Variants in SLC9A6 observed in about 807,000 individuals in gnomAD.
SLC9A6 encodes sodium/hydrogen exchanger 6.
In SLC9A6, 6 loss-of-function variants were observed where a neutral mutation model predicts 45.3. The ratio of observed to expected loss-of-function variants is 0.13; its 90% confidence interval spans 0.07 to 0.26. The LOEUF is 0.26. Among genes scored for constraint, SLC9A6 ranks in the 10% least tolerant of loss-of-function variants. The pLI is 1.00. For missense variants in SLC9A6, 278 were observed against 503.7 expected, an observed-to-expected ratio of 0.55 and a Z score of 4.29; for synonymous variants, 191 against 187.7, an observed-to-expected ratio of 1.02 and a Z score of -0.14.
chrX:135,995,886 T>C (rs1342361212), intron 3 of SLC9A6, among the ~76,000 whole-genome samples: 2 of 110,280 alleles, frequency 1.8e-5, no homozygotes, highest in Non-Finnish European at 3.8e-5. Flanking sequence ...TGGAGCTGCT[T>C]TCTCCTGTCT....
rs1556613171 is a variant in SLC9A6, at chrX:135,975,031, G to A, written c.-57+248G>A. The A allele has an allele frequency of 1.7e-5, 3 of 177,732 alleles. No individual in the cohort carries two copies. In the East Asian group the frequency reaches 4.4e-4, roughly 26 times the overall value. 14.6% of individuals were successfully genotyped at this position (177,732 alleles called of 1,213,427 possible). On this transcript the variant is annotated intron_variant, in intron 1 of 16. Coordinates refer to the SLC9A6 transcript ENST00000636092. The stretch of plus-strand genomic sequence containing the variant: ...CTTCTCCCCTTGACCTCATCACTCT[G>A]CTGTCCCCTGGGGAGCTCACCCATT...
intron 2 of SLC9A6, 95 bp downstream of exon 2, chrX:135,985,922 T>A: frequency 9.8e-7 from 1 of 1,021,584 alleles, no homozygotes; most frequent in Non-Finnish European, 1.4e-6. Context: ...CGGCCTACGT[T>A]CGGCTCCCCT....
chrX:136,031,158 G>A (rs781881978), intron 15 of SLC9A6, among the ~76,000 whole-genome samples: 2 of 111,848 alleles, frequency 1.8e-5, no homozygotes, highest in South Asian at 3.8e-4. Flanking sequence ...CCATGATGCC[G>A]GGCTCCTGGT....
chrX:136,004,958 C>T lies in SLC9A6; in HGVS notation c.743+2745C>T, dbSNP rs544297006. 8.0e-5 allele frequency among the ~76,000 whole-genome samples: 9 copies of T among 112,204 alleles called. No individual in the cohort carries two copies. In the South Asian group the frequency reaches 3.3e-3, roughly 42 times the overall value. On this transcript the variant is annotated intron_variant, in intron 7 of 17. Transcript: ENST00000630721. Reference sequence around the variant, plus strand: ...AGCTTCCAGTACGTAGGTACATGAGCGATTACCAGCACTACAAAGTAAAGA... The same window carrying T: ...AGCTTCCAGTACGTAGGTACATGAGTGATTACCAGCACTACAAAGTAAAGA...
intron 16 of SLC9A6, among the ~76,000 whole-genome samples, chrX:136,037,618 A>G (rs1211040441): frequency 1.8e-5 from 2 of 112,007 alleles, no homozygotes; most frequent in East Asian, 2.8e-4. Context: ...TTGCCCAGGC[A>G]GGAGTGCAGT....
chrX:136,025,899 A>G (rs1201353426), intron 13 of SLC9A6, among the ~76,000 whole-genome samples: 1 of 111,762 alleles, frequency 8.9e-6, no homozygotes, highest in African/African-American at 3.3e-5. Flanking sequence ...GAGCTTGTAG[A>G]TGAAGACTTT....
In SLC9A6 at chrX:136,044,827, T is replaced by C; in HGVS notation, c.*103T>C. On this transcript the variant is annotated 3_prime_UTR_variant, in exon 18 of 18. Transcript: ENST00000630721. Reference sequence around the variant, plus strand: ...AGTGCATGTCTCTGAATGTGTAAGCTATATAAATGCTATTTATATGGCATA... The same window carrying C: ...AGTGCATGTCTCTGAATGTGTAAGCCATATAAATGCTATTTATATGGCATA... The C allele has an allele frequency of 2.8e-6, 2 of 706,892 alleles. No individual in the cohort carries two copies. Among genetic ancestry groups the C allele is most frequent in the Non-Finnish European group, 4.5e-6 (2 of 447,474 alleles). The allele number at this position is 706,892 out of a possible 1,213,427, so 58.3% of individuals were successfully genotyped here.
intron 6 of SLC9A6, among the ~76,000 whole-genome samples, chrX:136,000,789 T>G (rs2089569989): frequency 9.0e-6 from 1 of 111,538 alleles, no homozygotes; most frequent in Non-Finnish European, 1.9e-5. Context: ...TTGGTATCAG[T>G]ATATTCCAGC....
chrX:136,008,422 G>A (rs985279326), intron 7 of SLC9A6, among the ~76,000 whole-genome samples: 1 of 111,278 alleles, frequency 9.0e-6, no homozygotes, highest in Non-Finnish European at 1.9e-5. Context: ...TTTATTTTTA[G>A]TAGAGACGGA....
chrX:136,004,534 G>A (rs1372068195), intron 7 of SLC9A6, among the ~76,000 whole-genome samples: 1 of 111,798 alleles, frequency 8.9e-6, no homozygotes, highest in African/African-American at 3.2e-5. Context: ...CACTTTGTTA[G>A]TTATGAAAGA....
At chrX:135,975,887 G>A (rs1433922121) in intron 1 of SLC9A6, among the ~76,000 whole-genome samples, 1 of 108,097 alleles carries the variant, frequency 9.3e-6, no homozygotes, top group Non-Finnish European at 1.9e-5. Context: ...TAAAGAAGGA[G>A]GATTGCTTGA....
intron 3 of SLC9A6, among the ~76,000 whole-genome samples, chrX:135,996,861 G>T (rs2089506035): frequency 9.2e-6 from 1 of 108,391 alleles, no homozygotes; most frequent in Non-Finnish European, 1.9e-5. Context: ...CTGCCTCCTG[G>T]GTTCACGCCG....
At chrX:135,977,803 G>A (rs908390295) in intron 1 of SLC9A6, among the ~76,000 whole-genome samples, 2 of 111,376 alleles carry the variant, frequency 1.8e-5, no homozygotes, top group Non-Finnish European at 3.8e-5. Flanking sequence ...TGGTACCTTG[G>A]TATTTTAAGT....
chrX:136,004,515 C>T (rs2089628555), intron 7 of SLC9A6, among the ~76,000 whole-genome samples: 1 of 111,774 alleles, frequency 8.9e-6, no homozygotes, highest in African/African-American at 3.2e-5. Flanking sequence ...TATTTCTCTC[C>T]TTAATTTTCA....
intron 10 of SLC9A6, 79 bp downstream of exon 10, chrX:136,013,516 A>AG (rs1364810661): frequency 5.5e-5 from 39 of 709,941 alleles, no homozygotes; most frequent in Non-Finnish European, 8.3e-5. Flanking sequence ...AAAAAAAAAA[A>AG]ATAGTCTTTG....
chrX:136,025,037 A>G (rs782270142), intron 13 of SLC9A6, among the ~76,000 whole-genome samples: 1 of 112,377 alleles, frequency 8.9e-6, no homozygotes, highest in South Asian at 3.7e-4. Context: ...GGATATGTAT[A>G]TATTTAAGGC....
Position 136,045,177 on chromosome X carries a change from G to T in SLC9A6, c.*453G>T. 1 of 134,476 alleles carries T rather than the reference G, an allele frequency of 7.4e-6. No homozygotes were observed. The highest frequency in any genetic ancestry group is 1.5e-5 in the Non-Finnish European group (1 of 66,693). 11.1% of individuals were successfully genotyped at this position (134,476 alleles called of 1,213,427 possible). ...GTTCCTTTGTTGGGAAACTTTTGTT[G>T]ATAGCTGCTGCCTTTGTCCTGATCG... On this transcript the variant is annotated 3_prime_UTR_variant, in exon 18 of 18. Coordinates refer to ENST00000630721, the MANE Select transcript of SLC9A6 (RefSeq NM_001379110.1).
intron 13 of SLC9A6, among the ~76,000 whole-genome samples, chrX:136,028,547 A>G (rs1184639159): frequency 8.9e-6 from 1 of 112,679 alleles, no homozygotes; most frequent in Non-Finnish European, 1.9e-5. Flanking sequence ...ACCATCTATT[A>G]CAAGTGTGCT....
intron 17 of SLC9A6, 91 bp downstream of exon 17, chrX:136,040,272 G>T: frequency 1.4e-6 from 1 of 706,408 alleles, no homozygotes; most frequent in Non-Finnish European, 2.2e-6. Context: ...ATTTTGGTTT[G>T]TTTTTTTGCC....
Sources: gnomAD v4.1 joint callset for allele counts (sites outside exome capture counted in the v4.1 genomes callset) on GRCh38, gnomAD v4.1.1 for gene constraint, MANE v1.5 for transcripts, NCBI Gene and HGNC (gene_info 2026-07-23, HGNC 2026-07-21) for gene names.